CCDC192: variants seen among roughly 807,000 people sequenced by gnomAD.
CCDC192 encodes coiled-coil domain-containing protein 192.
intron 3 of CCDC192, among the ~76,000 whole-genome samples, chr5:127,795,932 C>T (rs905249980): frequency 1.3e-5 from 2 of 152,166 alleles, no homozygotes; most frequent in African/African-American, 4.8e-5. Context: ...AGGAGCACCG[C>T]AGGTCTCCAA....
intron 6 of CCDC192, among the ~76,000 whole-genome samples, chr5:127,905,747 G>A (rs1753176316): frequency 6.6e-6 from 1 of 152,152 alleles, no homozygotes; most frequent in South Asian, 2.1e-4. Context: ...TCTATTTTAA[G>A]TAATGGCTTA....
chr5:127,708,162 G>A (rs563660515), intron 2 of CCDC192, among the ~76,000 whole-genome samples: 2 of 152,274 alleles, frequency 1.3e-5, no homozygotes, highest in Admixed American at 1.3e-4. Flanking sequence ...ACAGTATTTG[G>A]TTTAGCTAGA....
At chr5:127,715,983 A>G (rs1350112179) in intron 2 of CCDC192, among the ~76,000 whole-genome samples, 4 of 152,174 alleles carry the variant, frequency 2.6e-5, no homozygotes, top group African/African-American at 9.7e-5. Context: ...TTTAGTAAAA[A>G]TGTTTTCAAC....
At chr5:127,868,986 A>T (rs999549520) in intron 5 of CCDC192, among the ~76,000 whole-genome samples, 95 of 152,326 alleles carry the variant, frequency 6.2e-4, no homozygotes, top group African/African-American at 2.1e-3. Context: ...ATTTGCACCT[A>T]AAAATAGGAT....
rs138809149 is a variant in CCDC192 at position 127,878,074 on chromosome 5, C to T, written c.535+2413C>T. On this transcript the variant is annotated intron_variant, in intron 6 of 6. Transcript: ENST00000514853. ...TCCAGTCTAAAGTACCATCAGGAAACGGTGTCACTCACCTCTGCTTCTCTC... is the reference window on the plus strand; with the variant it reads ...TCCAGTCTAAAGTACCATCAGGAAATGGTGTCACTCACCTCTGCTTCTCTC... Among the ~76,000 whole-genome samples the T allele has an allele frequency of 9.7e-4, 147 of 152,276 alleles. 3 individuals carry two copies. In the East Asian group the frequency reaches 0.024, roughly 24 times the overall value.
At chr5:127,707,658 A>T (rs1442014288) in intron 1 of CCDC192, 51 bp from the exon 2 acceptor site, 1 of 397,944 alleles carries the variant, frequency 2.5e-6, no homozygotes, top group Non-Finnish European at 4.4e-6. Flanking sequence ...GTGTGCGCAC[A>T]TGAGAGCCTG....
At chr5:127,805,341 A>G (rs1757722690) in intron 5 of CCDC192, among the ~76,000 whole-genome samples, 1 of 152,218 alleles carries the variant, frequency 6.6e-6, no homozygotes, top group South Asian at 2.1e-4. Context: ...CTCACAGCAA[A>G]TAGCTGGTAT....
chr5:127,907,581 G>A (rs188772342), intron 6 of CCDC192, among the ~76,000 whole-genome samples: 1 of 152,050 alleles, frequency 6.6e-6, no homozygotes, highest in African/African-American at 2.4e-5. Flanking sequence ...AAATGTTAAA[G>A]TCTGACATCT....
At chr5:127,861,326 A>G (rs1035040016) in intron 5 of CCDC192, among the ~76,000 whole-genome samples, 2 of 150,744 alleles carry the variant, frequency 1.3e-5, no homozygotes, top group Non-Finnish European at 3.0e-5. Flanking sequence ...GTAGTTTTTG[A>G]AATAAAAATA....
chr5:127,937,744 C>A (rs955940725), intron 6 of CCDC192, among the ~76,000 whole-genome samples: 1 of 152,242 alleles, frequency 6.6e-6, no homozygotes, highest in African/African-American at 2.4e-5. Flanking sequence ...ACCGTGACTG[C>A]CTATGCAATG....
At position 127,902,298 on chromosome 5, in the gene CCDC192, A is replaced by T. The variant is rs1010079464; in HGVS notation, c.535+26637A>T. On this transcript the variant is annotated intron_variant, in intron 6 of 6. Transcript: ENST00000514853. The stretch of plus-strand genomic sequence containing the variant: ...TCTCAAAATAATAATAATAATAATT[A>T]AAAAAATAAGAACCACATAATCTAG... Among the ~76,000 whole-genome samples, 151 of 152,100 alleles carry T rather than the reference A, an allele frequency of 9.9e-4. 1 individual carries two copies. The highest frequency in any genetic ancestry group is 3.4e-3 in the African/African-American group (142 of 41,536).
intron 2 of CCDC192, among the ~76,000 whole-genome samples, chr5:127,708,526 C>G (rs1751098233): frequency 6.6e-6 from 1 of 152,148 alleles, no homozygotes; most frequent in Admixed American, 6.5e-5. Flanking sequence ...ATTTCTGGAA[C>G]AATCTTTTCA....
At chr5:127,883,195 T>C (rs977239395) in intron 6 of CCDC192, among the ~76,000 whole-genome samples, 11 of 152,182 alleles carry the variant, frequency 7.2e-5, no homozygotes, top group African/African-American at 2.2e-4. Context: ...CAAGAACTTA[T>C]GAAAACAAAA....
intron 6 of CCDC192, among the ~76,000 whole-genome samples, chr5:127,915,249 T>C (rs949674676): frequency 2.6e-5 from 4 of 152,232 alleles, no homozygotes; most frequent in Non-Finnish European, 5.9e-5. Context: ...TAAAATACTT[T>C]GTAGCTAAAA....
chr5:127,751,837 C>G (rs913653684), intron 2 of CCDC192, among the ~76,000 whole-genome samples: 16 of 152,096 alleles, frequency 1.1e-4, no homozygotes, highest in Non-Finnish European at 2.4e-4. Flanking sequence ...TTTCTCTAAA[C>G]TTTCCTTCTC....
chr5:127,826,555 G>A (rs935351343), intron 5 of CCDC192, among the ~76,000 whole-genome samples: 1 of 150,758 alleles, frequency 6.6e-6, no homozygotes, highest in Non-Finnish European at 1.5e-5. Context: ...TAAAGAAAAT[G>A]TGCTGGAGGC....
At chr5:127,719,576 T>TAC (rs1561445187) in intron 2 of CCDC192, among the ~76,000 whole-genome samples, 52 of 117,164 alleles carry the variant, frequency 4.4e-4, no homozygotes, top group African/African-American at 1.5e-3. Context: ...TACATATATA[T>TAC]ATATACCAAG....
intron 5 of CCDC192, among the ~76,000 whole-genome samples, chr5:127,853,268 A>G (rs1255197106): frequency 6.6e-6 from 1 of 152,180 alleles, no homozygotes; most frequent in Non-Finnish European, 1.5e-5. Context: ...TGGGATCCTC[A>G]GTATCCCTTA....
At chr5:127,764,578 CTTT>C (rs1174585840) in intron 3 of CCDC192, among the ~76,000 whole-genome samples, 1 of 152,158 alleles carries the variant, frequency 6.6e-6, no homozygotes, top group Non-Finnish European at 1.5e-5. Context: ...TTTTAATCTC[CTTT>C]TTTAGATCTT....
Sources: allele counts gnomAD v4.1 joint callset (sites outside exome capture counted in the v4.1 genomes callset), GRCh38; gene constraint gnomAD v4.1.1; transcripts MANE v1.5; gene names NCBI Gene and HGNC (gene_info 2026-07-23, HGNC 2026-07-21).